C5: variants seen among roughly 807,000 people sequenced by gnomAD.
The protein encoded by C5 is C3 and PZP-like alpha-2-macroglobulin domain-containing protein 4.
In C5, 140 loss-of-function variants were observed where a neutral mutation model predicts 218.8. That is an observed-to-expected ratio of 0.64 (90% CI 0.56 to 0.74). C5 has a LOEUF of 0.74. C5 is among the 30% of genes least tolerant of loss of function. C5 has a pLI of 0.00. For missense variants in C5, 1,700 were observed against 1,969.6 expected, an observed-to-expected ratio of 0.86 and a Z score of 2.59; for synonymous variants, 614 against 682.3, an observed-to-expected ratio of 0.90 and a Z score of 1.56.
intron 2 of C5, among the ~76,000 whole-genome samples, chr9:121,043,700 C>CT (rs34794535): frequency 0.18 from 22,039 of 120,592 alleles, 2,358 homozygotes; most frequent in Middle Eastern, 0.21. Context: ...GTCCAGCTAA[C>CT]TTTTTTTTTT....
chr9:120,953,640 A>T (rs1056174897), intron 40 of C5, 90 bp downstream of exon 40: 2 of 1,259,200 alleles, frequency 1.6e-6, no homozygotes, highest in Non-Finnish European at 2.3e-6. Context: ...GGTTAAGAGC[A>T]GGGCCATAAG....
At chr9:121,041,335 C>T (rs548419619) in intron 3 of C5, among the ~76,000 whole-genome samples, 3 of 96,166 alleles carry the variant, frequency 3.1e-5, no homozygotes, top group East Asian at 3.9e-4. Flanking sequence ...GACGAAGTCT[C>T]ACTCTTTCGC....
At chr9:121,041,035 C>T (rs886838728) in intron 3 of C5, among the ~76,000 whole-genome samples, 5 of 150,320 alleles carry the variant, frequency 3.3e-5, no homozygotes, top group African/African-American at 1.2e-4. Context: ...CCTCTGCCTG[C>T]CATGTTCAAG....
the C5 span, among the ~76,000 whole-genome samples, chr9:121,056,919 C>T: frequency 5.9e-5 from 9 of 152,044 alleles, no homozygotes; most frequent in Admixed American, 5.9e-4. Flanking sequence ...CCAAATAAGA[C>T]TACTTCAAGA....
chr9:120,981,834 TCTTA>T lies in C5; in HGVS notation c.3486+6_3486+9del, dbSNP rs1245143443. On this transcript the variant is annotated splice_donor_region_variant and intron_variant, in intron 27 of 40. Coordinates refer to ENST00000223642, the MANE Select transcript of C5 (RefSeq NM_001735.3). The stretch of plus-strand genomic sequence containing the variant: ...ATGATGGGTGTGAGAGAAAGAAAAC[TCTTA>T]CTTACCACCAGGGGGCATATATCGA... The T allele has an allele frequency of 2.5e-6, 4 of 1,590,096 alleles. No homozygotes were observed. The highest frequency in any genetic ancestry group is 1.7e-4 in the Middle Eastern group (1 of 6,022).
chr9:121,058,071 C>T, the C5 span, among the ~76,000 whole-genome samples: 14 of 152,212 alleles, frequency 9.2e-5, no homozygotes, highest in Non-Finnish European at 5.9e-5. Flanking sequence ...TGCATTTAAA[C>T]GAGATTTTAT....
At chr9:120,953,631 G>A in intron 40 of C5, 99 bp downstream of exon 40, 2 of 1,215,250 alleles carry the variant, frequency 1.6e-6, no homozygotes, top group Non-Finnish European at 2.4e-6. Context: ...TGGTTTGTTG[G>A]TTAAGAGCAG....
the C5 span, among the ~76,000 whole-genome samples, chr9:121,073,598 C>T: frequency 6.7e-6 from 1 of 149,020 alleles, no homozygotes; most frequent in Admixed American, 6.8e-5. Flanking sequence ...CTCACTGCAA[C>T]CTCCGCCTCC....
At chr9:120,994,239 T>A (rs558123298) in intron 22 of C5, among the ~76,000 whole-genome samples, 3 of 152,328 alleles carry the variant, frequency 2.0e-5, no homozygotes, top group South Asian at 2.1e-4. Context: ...CATTTTTTTT[T>A]AACTGAACCC....
upstream of C5, among the ~76,000 whole-genome samples, chr9:121,053,448 A>AG (rs949536392): frequency 6.6e-6 from 1 of 152,208 alleles, no homozygotes; most frequent in African/African-American, 2.4e-5. Flanking sequence ...GACTGACTGG[A>AG]GAGAGGGCGG....
At chr9:121,020,202 G>T in intron 11 of C5, 23 bp from the exon 12 acceptor site, 2 of 1,511,174 alleles carry the variant, frequency 1.3e-6, no homozygotes, top group Non-Finnish European at 1.8e-6. Context: ...ATTTCAAAAA[G>T]ACATGTATAC....
In C5 at chr9:120,989,072, C is replaced by T. The variant is rs527877770; in HGVS notation, c.3204G>A (p.Val1068=). Residue 1068 remains valine (V), a synonymous_variant, in exon 25 of 41, where the codon GTG becomes GTA. Transcript: ENST00000223642. The part of the protein sequence containing the change: ...SYRNADYSYS[V]WKGGSASTWL... ...AAGTGCTAGCACTTCCACCCTTCCA[C>T]ACACTGTAAGAGTAGTCAGCATTTC... 6.2e-6 allele frequency: 10 copies of T among 1,613,784 alleles called. No homozygotes were observed. Among genetic ancestry groups the T allele is most frequent in the East Asian group, 2.2e-5 (1 of 44,884 alleles).
At chr9:120,979,392 T>C (rs1196346220) in intron 28 of C5, among the ~76,000 whole-genome samples, 4 of 152,220 alleles carry the variant, frequency 2.6e-5, no homozygotes, top group African/African-American at 9.6e-5. Context: ...TTTCTTCATA[T>C]CAGCCATCAC....
chr9:120,996,721 C>T (rs1283719010), intron 21 of C5, among the ~76,000 whole-genome samples: 2 of 152,158 alleles, frequency 1.3e-5, no homozygotes, highest in Non-Finnish European at 2.9e-5. Flanking sequence ...TGCATGGAAC[C>T]ACAGTGCAAG....
In C5 at chr9:121,014,061, T is replaced by C; in HGVS notation, c.2069A>G (p.Tyr690Cys). Residue 690 changes from tyrosine to cysteine, a missense_variant, in exon 17 of 41, where the codon TAT becomes TGT. By Grantham distance (194) the Tyr-to-Cys change is radical. Coordinates refer to ENST00000223642, the MANE Select transcript of C5 (RefSeq NM_001735.3). Reference sequence around the variant, plus strand: ...ACATTTCTTCACTACTGAATGTTTATATTTAGCAGCTGAAATGGTAATAAT... The same window carrying C: ...ACATTTCTTCACTACTGAATGTTTACATTTAGCAGCTGAAATGGTAATAAT... ...QKKIEEIAAK[Y>C]KHSVVKKCCY... is the part of the protein sequence containing the mutation. 1.2e-6 allele frequency: 2 copies of C among 1,614,022 alleles called. No individual in the cohort carries two copies. Among genetic ancestry groups the C allele is most frequent in the Non-Finnish European group, 1.7e-6 (2 of 1,179,902 alleles).
intron 6 of C5, 106 bp from the exon 7 acceptor site, chr9:121,030,593 A>C (rs1360201831): frequency 1.6e-6 from 1 of 641,222 alleles, no homozygotes; most frequent in Non-Finnish European, 2.8e-6. Context: ...CTGTAACATC[A>C]ACACAACATC....
intron 2 of C5, among the ~76,000 whole-genome samples, chr9:121,045,237 T>C (rs141453847): frequency 6.6e-6 from 1 of 152,318 alleles, no homozygotes; most frequent in Non-Finnish European, 1.5e-5. Flanking sequence ...TTTTTTAGAT[T>C]AGTGTTTCTT....
chr9:121,052,901 T>C (rs1267440177), upstream of C5, among the ~76,000 whole-genome samples: 2 of 152,234 alleles, frequency 1.3e-5, no homozygotes, highest in African/African-American at 4.8e-5. Context: ...TTTTTATGTA[T>C]AATAAAAAGA....
At chr9:121,018,788 A>G (rs1157223355) in intron 12 of C5, among the ~76,000 whole-genome samples, 1 of 151,112 alleles carries the variant, frequency 6.6e-6, no homozygotes, top group Non-Finnish European at 1.5e-5. Context: ...GAAGGAAGGA[A>G]GGAAGGAAGG....
Sources: gnomAD v4.1 joint callset for allele counts (sites outside exome capture counted in the v4.1 genomes callset) on GRCh38, gnomAD v4.1.1 for gene constraint, MANE v1.5 for transcripts, NCBI Gene and HGNC (gene_info 2026-07-23, HGNC 2026-07-21) for gene names.